The following SLC7A9 variants were observed in gnomAD, a reference collection of about 807,000 sequenced individuals.
SLC7A9 encodes B(0,+)-type amino acid transporter 1.
In SLC7A9, 38 loss-of-function variants were observed where a neutral mutation model predicts 54.1. That is an observed-to-expected ratio of 0.70 (90% CI 0.54 to 0.92). The LOEUF (loss-of-function observed/expected upper bound fraction) is 0.92. Ranked by LOEUF, SLC7A9 falls within the 40% of genes least tolerant of loss-of-function variation. SLC7A9 has a pLI of 0.00. For missense variants in SLC7A9, 537 were observed against 636.1 expected (o/e 0.84, Z 1.68); for synonymous variants, 264 against 258.9 (o/e 1.02, Z -0.19).
intron 2 of SLC7A9, among the ~76,000 whole-genome samples, chr19:32,866,612 G>A (rs1474800150): frequency 6.6e-6 from 1 of 152,154 alleles, no homozygotes; most frequent in African/African-American, 2.4e-5. Flanking sequence ...ACACATCTTG[G>A]GGATTTCTCA....
intron 7 of SLC7A9, chr19:32,860,200 T>C (rs1317185905): frequency 6.8e-7 from 1 of 1,469,080 alleles, no homozygotes; most frequent in Non-Finnish European, 9.0e-7. Flanking sequence ...CTTCCCTCCC[T>C]TAGGAGCCAC....
At chr19:32,853,871 C>T (rs1378471835) in intron 9 of SLC7A9, among the ~76,000 whole-genome samples, 3 of 145,820 alleles carry the variant, frequency 2.1e-5, no homozygotes, top group Admixed American at 7.1e-5. Flanking sequence ...GAGCCAGGAT[C>T]GTGTCACTGC....
At chr19:32,838,141 C>G (rs1230208568) in intron 11 of SLC7A9, among the ~76,000 whole-genome samples, 2 of 152,130 alleles carry the variant, frequency 1.3e-5, no homozygotes, top group South Asian at 2.1e-4. Flanking sequence ...CTGAGCCCAT[C>G]CAAACTTGTA....
chr19:32,846,355 G>A (rs1968294953), intron 9 of SLC7A9, among the ~76,000 whole-genome samples: 1 of 152,160 alleles, frequency 6.6e-6, no homozygotes, highest in African/African-American at 2.4e-5. Flanking sequence ...AAAAAACGGT[G>A]CACCAGGAGA....
chr19:32,831,269 T>G (rs1198654951), intron 12 of SLC7A9: 1 of 155,612 alleles, frequency 6.4e-6, no homozygotes, highest in African/African-American at 2.4e-5. Flanking sequence ...TAAAACATTG[T>G]GAATGTAATA....
At chr19:32,831,074 A>G (rs1967769381) in intron 12 of SLC7A9, among the ~76,000 whole-genome samples, 1 of 151,880 alleles carries the variant, frequency 6.6e-6, no homozygotes, top group South Asian at 2.1e-4. Flanking sequence ...GAGCTCCTGG[A>G]AGAGGATGCC....
rs780473348 is a variant in SLC7A9, at chr19:32,868,552, C to G, written c.-18G>C. The G allele has an allele frequency of 6.2e-7, 1 of 1,603,220 alleles. No homozygotes were observed. The highest frequency in any genetic ancestry group is 8.5e-7 in the Non-Finnish European group (1 of 1,170,082). On this transcript the variant is annotated 5_prime_UTR_variant, in exon 2 of 13. Transcript: ENST00000023064. The stretch of plus-strand genomic sequence containing the variant: ...TCCCCCATGTTTCCTCCTGCTGGTT[C>G]CAGGAGACTGCAAGGAGGGCGCACA...
Position 32,830,869 on chromosome 19 carries a change from C to G in SLC7A9, c.1400-185G>C, listed in dbSNP as rs17272190. 0.11 allele frequency among the ~76,000 whole-genome samples: 16,263 copies of G among 152,194 alleles called. 1,089 individuals are homozygous for G. The highest frequency in any genetic ancestry group is 0.16 in the Middle Eastern group (48 of 294). On this transcript the variant is annotated intron_variant, in intron 12 of 12. Transcript: ENST00000023064. ...TTCACACTTTCCTGGCTTCTGTCTT[C>G]TCCCAGAATTGCAGGAATAGAAATA...
intron 11 of SLC7A9, among the ~76,000 whole-genome samples, chr19:32,841,140 C>T (rs1968116536): frequency 6.6e-6 from 1 of 152,172 alleles, no homozygotes; most frequent in Admixed American, 6.5e-5. Context: ...CTGGATGTAT[C>T]TCTGAAAACA....
intron 9 of SLC7A9, among the ~76,000 whole-genome samples, chr19:32,852,393 G>A (rs1968495776): frequency 6.6e-6 from 1 of 152,052 alleles, no homozygotes; most frequent in Non-Finnish European, 1.5e-5. Flanking sequence ...GAGAGGCTGA[G>A]GTGGGAGGAT....
At chr19:32,842,054 TAA>T (rs1049854999) in intron 11 of SLC7A9, 112 bp downstream of exon 11, 4 of 1,050,712 alleles carry the variant, frequency 3.8e-6, no homozygotes, top group Non-Finnish European at 4.4e-6. Flanking sequence ...TACGATATTT[TAA>T]AAGAGTCAAG....
intron 9 of SLC7A9, among the ~76,000 whole-genome samples, chr19:32,853,687 C>A (rs1343813953): frequency 2.0e-5 from 3 of 151,986 alleles, no homozygotes; most frequent in Non-Finnish European, 4.4e-5. Context: ...GAGGCTGAGG[C>A]AGGTGGATCA....
intron 9 of SLC7A9, among the ~76,000 whole-genome samples, chr19:32,857,609 C>T (rs1047410375): frequency 2.0e-5 from 3 of 152,166 alleles, no homozygotes; most frequent in Non-Finnish European, 4.4e-5. Flanking sequence ...TTAACATACA[C>T]AGACTTTGTC....
intron 10 of SLC7A9, among the ~76,000 whole-genome samples, chr19:32,843,011 T>C (rs1364223074): frequency 6.6e-6 from 1 of 152,066 alleles, no homozygotes; most frequent in Non-Finnish European, 1.5e-5. Context: ...TGGGTGTGTT[T>C]TCCTGTCTTC....
chr19:32,849,411 A>C (rs1271677266), intron 9 of SLC7A9, among the ~76,000 whole-genome samples: 1 of 152,066 alleles, frequency 6.6e-6, no homozygotes, highest in Non-Finnish European at 1.5e-5. Context: ...ACCTCTATGC[A>C]AATAAACTAG....
intron 11 of SLC7A9, 55 bp downstream of exon 11, chr19:32,842,113 A>G: frequency 6.4e-7 from 1 of 1,563,786 alleles, no homozygotes; most frequent in East Asian, 2.2e-5. Context: ...AAAGAGTTAC[A>G]TCTAATTCAT....
chr19:32,842,325 A>T lies in SLC7A9; in HGVS notation c.1075-8T>A. ...AATCGTTGCTATGATACCCTAATAG[A>T]AAGAAGAATGGATTTGTAGGTCATT... On this transcript the variant is annotated splice_region_variant and splice_polypyrimidine_tract_variant and intron_variant, in intron 10 of 12. Transcript: ENST00000023064. The T allele has an allele frequency of 1.9e-6, 3 of 1,612,170 alleles. No homozygotes were observed. The highest frequency in any genetic ancestry group is 2.5e-6 in the Non-Finnish European group (3 of 1,178,568).
intron 2 of SLC7A9, 84 bp downstream of exon 2, chr19:32,868,364 G>A (rs1029863324): frequency 8.5e-6 from 8 of 941,582 alleles, no homozygotes; most frequent in South Asian, 3.9e-5. Context: ...ACTAGGGATC[G>A]GCCCGGATTT....
chr19:32,866,035 T>C (rs1968960964), intron 2 of SLC7A9, among the ~76,000 whole-genome samples: 1 of 150,856 alleles, frequency 6.6e-6, no homozygotes, highest in Non-Finnish European at 1.5e-5. Context: ...AAAGTCCAAC[T>C]CAAGCCCTAC....
Sources: allele counts gnomAD v4.1 joint callset (sites outside exome capture counted in the v4.1 genomes callset), GRCh38; gene constraint gnomAD v4.1.1; transcripts MANE v1.5; gene names NCBI Gene and HGNC (gene_info 2026-07-23, HGNC 2026-07-21).